Variants in CCSER2 observed in about 807,000 individuals in gnomAD.
CCSER2 encodes the protein serine-rich coiled-coil domain-containing protein 2.
In CCSER2, 46 loss-of-function variants were observed where a neutral mutation model predicts 92.3. The observed-to-expected ratio is 0.50, with a 90% CI of 0.39 to 0.64. The LOEUF (loss-of-function observed/expected upper bound fraction) is 0.64. Ranked by LOEUF, CCSER2 falls within the 30% of genes least tolerant of loss-of-function variation. CCSER2 has a pLI of 0.00. For missense variants in CCSER2, 1,244 were observed against 1,238.9 expected (o/e 1.00, Z -0.06); for synonymous variants, 433 against 431.4 (o/e 1.00, Z -0.04).
At chr10:84,512,460 A>G (rs1849413572) in intron 9 of CCSER2, among the ~76,000 whole-genome samples, 3 of 139,158 alleles carry the variant, frequency 2.2e-5, no homozygotes, top group African/African-American at 7.8e-5. Flanking sequence ...GTATCAGGAC[A>G]GGCCCAGTTG....
chr10:84,469,227 A>C (rs148948158), intron 7 of CCSER2, among the ~76,000 whole-genome samples: 3 of 152,320 alleles, frequency 2.0e-5, no homozygotes, highest in Admixed American at 2.0e-4. Flanking sequence ...TACATAACTT[A>C]GAAATGTGTC....
intron 9 of CCSER2, among the ~76,000 whole-genome samples, chr10:84,494,860 G>A (rs376923848): frequency 2.6e-5 from 4 of 152,236 alleles, no homozygotes; most frequent in Admixed American, 6.5e-5. Flanking sequence ...CCCAAGAGAG[G>A]GTTCTTGGAT....
rs545317262 is a variant in CCSER2, at chr10:84,426,484, C to T, written c.1868+591C>T. On this transcript the variant is annotated intron_variant, in intron 5 of 9. Transcript: ENST00000372088. The stretch of plus-strand genomic sequence containing the variant: ...GCAAGCTTAGATAATTTATTTAAAC[C>T]GTCTCTGCTTCACTTTACTATCTTT... Among the ~76,000 whole-genome samples, 13 of 151,938 alleles carry T rather than the reference C, an allele frequency of 8.6e-5. No individual in the cohort carries two copies. In the South Asian group the frequency reaches 1.9e-3, roughly 22 times the overall value.
intron 5 of CCSER2, among the ~76,000 whole-genome samples, chr10:84,432,330 AGG>A (rs1346816465): frequency 1.3e-5 from 2 of 152,202 alleles, no homozygotes; most frequent in Admixed American, 1.3e-4. Context: ...TGTGATACTG[AGG>A]TTTGGGATAC....
intron 3 of CCSER2, among the ~76,000 whole-genome samples, chr10:84,387,917 G>A (rs1233859448): frequency 5.3e-5 from 8 of 152,028 alleles, no homozygotes; most frequent in Non-Finnish European, 1.0e-4. Context: ...AGCCTAGAGT[G>A]CAATGGCACG....
intron 1 of CCSER2, among the ~76,000 whole-genome samples, chr10:84,335,788 C>A (rs959129897): frequency 4.6e-5 from 7 of 152,088 alleles, no homozygotes; most frequent in Non-Finnish European, 2.9e-5. Context: ...TTTCTCTGAC[C>A]ATTATCTCTT....
chr10:84,360,192 T>C (rs900666550), intron 1 of CCSER2, among the ~76,000 whole-genome samples: 2 of 152,058 alleles, frequency 1.3e-5, no homozygotes, highest in East Asian at 3.8e-4. Context: ...AATTAATCCC[T>C]GGTGTTATTT....
chr10:84,399,124 A>T (rs1167436162), intron 3 of CCSER2, among the ~76,000 whole-genome samples: 4 of 152,188 alleles, frequency 2.6e-5, no homozygotes, highest in Non-Finnish European at 5.9e-5. Context: ...CTTTTAGCAT[A>T]CCCATCACCT....
At chr10:84,509,911 A>G (rs1849264395) in intron 9 of CCSER2, among the ~76,000 whole-genome samples, 1 of 152,112 alleles carries the variant, frequency 6.6e-6, no homozygotes, top group African/African-American at 2.4e-5. Flanking sequence ...AATCTTTTTC[A>G]GTCCTCTCCA....
chr10:84,465,282 T>A (rs1234103586), intron 7 of CCSER2, among the ~76,000 whole-genome samples: 2 of 95,556 alleles, frequency 2.1e-5, no homozygotes, highest in African/African-American at 5.4e-5. Context: ...TGTGTGTGTG[T>A]GTGTGTGTGA....
At chr10:84,340,271 A>G (rs1338013155) in intron 1 of CCSER2, among the ~76,000 whole-genome samples, 2 of 152,136 alleles carry the variant, frequency 1.3e-5, no homozygotes, top group African/African-American at 4.8e-5. Flanking sequence ...TGTTAACATT[A>G]TGAGGTTTTT....
At chr10:84,411,201 A>G (rs1330854683) in intron 3 of CCSER2, among the ~76,000 whole-genome samples, 1 of 152,142 alleles carries the variant, frequency 6.6e-6, no homozygotes, top group Admixed American at 6.5e-5. Flanking sequence ...TGATGCCACC[A>G]GAATCTGGGT....
chr10:84,440,852 A>AT (rs2133525987), intron 6 of CCSER2, among the ~76,000 whole-genome samples: 1 of 152,328 alleles, frequency 6.6e-6, no homozygotes, highest in South Asian at 2.1e-4. Flanking sequence ...TCCCTTAGAA[A>AT]TTTGAGGGCA....
chr10:84,378,121 A>C (rs1345824470), intron 3 of CCSER2, among the ~76,000 whole-genome samples: 4 of 152,202 alleles, frequency 2.6e-5, no homozygotes, highest in Non-Finnish European at 2.9e-5. Context: ...AGAAAGCCTT[A>C]ATAGTTCACC....
At chr10:84,455,115 C>T (rs1845526971) in intron 6 of CCSER2, 1 of 153,160 alleles carries the variant, frequency 6.5e-6, no homozygotes, top group Non-Finnish European at 1.5e-5. Flanking sequence ...GCTTCCCAGC[C>T]ACATGCAGAT....
chr10:84,402,569 A>G lies in CCSER2; in HGVS notation c.1615-15202A>G, dbSNP rs567092169. 2.0e-5 allele frequency among the ~76,000 whole-genome samples: 3 copies of G among 152,316 alleles called. No homozygotes were observed. The East Asian group carries it at 5.8e-4, about 29-fold the overall frequency. On this transcript the variant is annotated intron_variant, in intron 3 of 9. Coordinates refer to ENST00000372088, the MANE Select transcript of CCSER2 (RefSeq NM_001284240.2). Reference sequence around the variant, plus strand: ...GTCTTATGGGAAAACAAATCCTAACAATTGTTGGAGAAAAGACATTTCATT... The same window carrying G: ...GTCTTATGGGAAAACAAATCCTAACGATTGTTGGAGAAAAGACATTTCATT...
At position 84,463,216 on chromosome 10, in the gene CCSER2, C is replaced by T. The variant is rs541217005; in HGVS notation, c.2065-717C>T. ...ATCTTTATTTCAGCCTTTTTTGAGG[C>T]ATGAGATACATCCAGTAAAGTGGTT... On this transcript the variant is annotated intron_variant, in intron 6 of 9. Transcript: ENST00000372088. 1.2e-4 allele frequency among the ~76,000 whole-genome samples: 19 copies of T among 152,238 alleles called. No homozygotes were observed. In the South Asian group the frequency reaches 3.9e-3, roughly 32 times the overall value.
At chr10:84,343,138 G>A (rs1844297319) in intron 1 of CCSER2, among the ~76,000 whole-genome samples, 1 of 152,196 alleles carries the variant, frequency 6.6e-6, no homozygotes, top group Admixed American at 6.5e-5. Context: ...AAAGTGGTGG[G>A]ATTACAGGTG....
At chr10:84,499,948 A>T (rs184306794) in intron 9 of CCSER2, 1 of 1,613,836 alleles carries the variant, frequency 6.2e-7, no homozygotes, top group Non-Finnish European at 8.5e-7. Context: ...GTTCCACCGC[A>T]CCGCAGACAG....
Sources: gnomAD v4.1 joint callset for allele counts (sites outside exome capture counted in the v4.1 genomes callset) on GRCh38, gnomAD v4.1.1 for gene constraint, MANE v1.5 for transcripts, NCBI Gene and HGNC (gene_info 2026-07-23, HGNC 2026-07-21) for gene names.